INTS6: variants seen among roughly 807,000 people sequenced by gnomAD.
INTS6 encodes the protein DEAD box protein.
A neutral mutation model predicts 104.9 loss-of-function variants in INTS6; 16 were observed. The ratio of observed to expected loss-of-function variants is 0.15; its 90% confidence interval spans 0.10 to 0.23. The LOEUF is 0.23. Among genes scored for constraint, INTS6 ranks in the 10% least tolerant of loss-of-function variants. The pLI, the probability that INTS6 is intolerant of heterozygous loss-of-function variation, is 1.00. For missense variants in INTS6, 584 were observed against 1,062.8 expected, an observed-to-expected ratio of 0.55 and a Z score of 6.26; for synonymous variants, 324 against 358.7, an observed-to-expected ratio of 0.90 and a Z score of 1.09.
At chr13:51,420,768 A>C (rs973519185) in intron 4 of INTS6, among the ~76,000 whole-genome samples, 28 of 152,054 alleles carry the variant, frequency 1.8e-4, no homozygotes, top group African/African-American at 4.8e-4. Flanking sequence ...AAAAAAAAAA[A>C]AAAAAACTAT....
chr13:51,364,100 T>C lies in INTS6; in HGVS notation c.*1652A>G. 3 of 424,324 alleles carry C rather than the reference T, an allele frequency of 7.1e-6. No individual in the cohort carries two copies. In the East Asian group the frequency reaches 1.1e-4, roughly 15 times the overall value. 26.3% of individuals were successfully genotyped at this position (424,324 alleles called of 1,614,324 possible). A position where few individuals can be genotyped will look rare whatever the true frequency, so the allele number is the denominator to read the frequency against. On this transcript the variant is annotated 3_prime_UTR_variant, in exon 18 of 18. Transcript: ENST00000311234. ...CTCTCAATGAATTTAGCAATGTGACTACAGGCAATTACCTTAACAATTCCA... is the reference window on the plus strand; with the variant it reads ...CTCTCAATGAATTTAGCAATGTGACCACAGGCAATTACCTTAACAATTCCA...
At chr13:51,396,697 T>A (rs1322009046) in intron 4 of INTS6, among the ~76,000 whole-genome samples, 1 of 152,134 alleles carries the variant, frequency 6.6e-6, no homozygotes, top group Non-Finnish European at 1.5e-5. Flanking sequence ...ATAGTGGGGA[T>A]ATAGGATCAA....
At chr13:51,423,366 T>C (rs1251754028) in intron 4 of INTS6, among the ~76,000 whole-genome samples, 3 of 152,012 alleles carry the variant, frequency 2.0e-5, no homozygotes, top group South Asian at 2.1e-4. Flanking sequence ...ATAATGCTAA[T>C]TACATGGACA....
chr13:51,393,685 A>G (rs1956285350), intron 5 of INTS6, among the ~76,000 whole-genome samples: 1 of 152,186 alleles, frequency 6.6e-6, no homozygotes, highest in East Asian at 1.9e-4. Flanking sequence ...CTTGACTAAG[A>G]TTTCTGCATC....
intron 4 of INTS6, among the ~76,000 whole-genome samples, chr13:51,417,998 C>G (rs142566221): frequency 6.6e-6 from 1 of 152,274 alleles, no homozygotes; most frequent in Admixed American, 6.5e-5. Flanking sequence ...AGGTAGAAAT[C>G]AGCCTTACTA....
intron 4 of INTS6, among the ~76,000 whole-genome samples, chr13:51,429,313 C>CA (rs1957040830): frequency 6.6e-6 from 1 of 152,072 alleles, no homozygotes; most frequent in South Asian, 2.1e-4. Context: ...AAAGCTCCAT[C>CA]AAAACAATCA....
At chr13:51,420,900 G>A (rs1593741314) in intron 4 of INTS6, among the ~76,000 whole-genome samples, 1 of 152,054 alleles carries the variant, frequency 6.6e-6, no homozygotes, top group Non-Finnish European at 1.5e-5. Flanking sequence ...AGGAAATACC[G>A]AGTTCCTCAC....
chr13:51,336,169 A>C, the INTS6 span, among the ~76,000 whole-genome samples: 1 of 152,234 alleles, frequency 6.6e-6, no homozygotes, highest in African/African-American at 2.4e-5. Flanking sequence ...TAAAGTTTCC[A>C]ACCTATTTCT....
intron 3 of INTS6, among the ~76,000 whole-genome samples, chr13:51,431,977 A>C (rs1203691281): frequency 6.6e-6 from 1 of 152,046 alleles, no homozygotes; most frequent in Non-Finnish European, 1.5e-5. Flanking sequence ...ATATATAATA[A>C]ATTCTAATAA....
At chr13:51,415,399 C>G (rs1956769282) in intron 4 of INTS6, among the ~76,000 whole-genome samples, 1 of 152,092 alleles carries the variant, frequency 6.6e-6, no homozygotes, top group Non-Finnish European at 1.5e-5. Context: ...AATTGTAACT[C>G]CCACAATTCC....
At chr13:51,450,189 C>A in intron 3 of INTS6, 1 of 984,904 alleles carries the variant, frequency 1.0e-6, no homozygotes, top group Non-Finnish European at 1.2e-6. Context: ...AACTGAGCTC[C>A]TTGGAAATAA....
chr13:51,358,630 C>T (rs971728987), downstream of INTS6, among the ~76,000 whole-genome samples: 1 of 152,050 alleles, frequency 6.6e-6, no homozygotes, highest in Non-Finnish European at 1.5e-5. Context: ...TTACTAAACA[C>T]ATTAATGTAC....
At position 51,384,888 on chromosome 13, in the gene INTS6, TG is replaced by T. The variant is rs756029558; in HGVS notation, c.895-1148del. On this transcript the variant is annotated intron_variant, in intron 7 of 17. Coordinates refer to ENST00000311234, the MANE Select transcript of INTS6 (RefSeq NM_012141.3). ...ATTTCTCAGATTAGACTAGTACAAA[TG>T]CTTTTTGCTTTGTTTAGTTTCTAAT... is the stretch of plus-strand genomic sequence containing the variant. The T allele has an allele frequency of 8.6e-6, 3 of 350,110 alleles. No individual in the cohort carries two copies. The Admixed American group carries it at 1.2e-4, about 14-fold the overall frequency. 21.7% of individuals were successfully genotyped at this position (350,110 alleles called of 1,614,324 possible). A position where few individuals can be genotyped will look rare whatever the true frequency, so the allele number is the denominator to read the frequency against.
intron 3 of INTS6, among the ~76,000 whole-genome samples, chr13:51,431,213 G>C (rs553523292): frequency 3.3e-5 from 5 of 152,292 alleles, no homozygotes; most frequent in African/African-American, 1.2e-4. Context: ...AGGACTGACA[G>C]AACTAAGACC....
chr13:51,344,047 C>T, the INTS6 span, among the ~76,000 whole-genome samples: 4 of 152,198 alleles, frequency 2.6e-5, no homozygotes, highest in Non-Finnish European at 4.4e-5. Context: ...AGCATGGTTT[C>T]TTCCCAACTT....
chr13:51,412,493 T>C (rs1404161019), intron 4 of INTS6, among the ~76,000 whole-genome samples: 1 of 152,204 alleles, frequency 6.6e-6, no homozygotes, highest in Admixed American at 6.5e-5. Context: ...AGAATTCTCA[T>C]TCTGAATCTT....
At chr13:51,416,144 G>A (rs945602738) in intron 4 of INTS6, among the ~76,000 whole-genome samples, 2 of 152,316 alleles carry the variant, frequency 1.3e-5, no homozygotes, top group South Asian at 2.1e-4. Flanking sequence ...GATTTAAAAG[G>A]AGGTAGAGAA....
At chr13:51,428,347 C>T (rs1334958821) in intron 4 of INTS6, among the ~76,000 whole-genome samples, 7 of 133,738 alleles carry the variant, frequency 5.2e-5, no homozygotes, top group South Asian at 2.3e-4. Context: ...TTTTTTGAGA[C>T]GGAGTCTTGC....
chr13:51,412,216 TGTA>T (rs2138036920), intron 4 of INTS6, among the ~76,000 whole-genome samples: 1 of 152,292 alleles, frequency 6.6e-6, no homozygotes, highest in African/African-American at 2.4e-5. Context: ...ATACTATTGT[TGTA>T]GTATTAAATA....
Sources: allele counts gnomAD v4.1 joint callset (sites outside exome capture counted in the v4.1 genomes callset), GRCh38; gene constraint gnomAD v4.1.1; transcripts MANE v1.5; gene names NCBI Gene and HGNC (gene_info 2026-07-23, HGNC 2026-07-21).